The following ENTHD1 variants were observed in gnomAD, a reference collection of about 807,000 sequenced individuals.
ENTHD1 encodes ENTH domain containing 1, also known as ENTH domain-containing protein 1.
In ENTHD1, 23 loss-of-function variants were observed where a neutral mutation model predicts 39.1. The ratio of observed to expected loss-of-function variants is 0.59; its 90% CI spans 0.42 to 0.83. ENTHD1 has a LOEUF of 0.83. Ranked by LOEUF, ENTHD1 falls within the 40% of genes least tolerant of loss-of-function variation. ENTHD1 has a pLI of 0.00. For synonymous variants in ENTHD1, 230 were observed against 258.2 expected (o/e 0.89, Z 1.05); for missense variants, 624 against 705.4 (o/e 0.88, Z 1.31).
intron 3 of ENTHD1, among the ~76,000 whole-genome samples, chr22:39,860,678 C>CT (rs1225807354): frequency 1.2e-4 from 18 of 152,318 alleles, no homozygotes; most frequent in African/African-American, 3.4e-4. Context: ...CATTTTTGCA[C>CT]TTAACTGACA....
At chr22:39,779,037 G>A (rs2065387009) in intron 5 of ENTHD1, among the ~76,000 whole-genome samples, 1 of 152,174 alleles carries the variant, frequency 6.6e-6, no homozygotes, top group Non-Finnish European at 1.5e-5. Flanking sequence ...TATAAAAACA[G>A]GCCAGGTGTG....
chr22:39,807,847 C>T (rs2065655532), intron 5 of ENTHD1, among the ~76,000 whole-genome samples: 1 of 151,512 alleles, frequency 6.6e-6, no homozygotes, highest in South Asian at 2.1e-4. Flanking sequence ...AACTGTGAAA[C>T]TCTTGTTTTA....
At chr22:39,804,367 T>C (rs1424781858) in intron 5 of ENTHD1, among the ~76,000 whole-genome samples, 1 of 148,028 alleles carries the variant, frequency 6.8e-6, no homozygotes, top group Non-Finnish European at 1.5e-5. Context: ...ATGCCTCTAG[T>C]CCCAGTTACT....
chr22:39,799,986 C>T (rs1232270811), intron 5 of ENTHD1, among the ~76,000 whole-genome samples: 3 of 152,232 alleles, frequency 2.0e-5, no homozygotes, highest in Non-Finnish European at 4.4e-5. Context: ...CACTGTGCTA[C>T]AGCTGCTTAG....
intron 5 of ENTHD1, among the ~76,000 whole-genome samples, chr22:39,800,444 TA>T (rs1225414244): frequency 2.0e-5 from 3 of 152,236 alleles, no homozygotes; most frequent in African/African-American, 7.2e-5. Context: ...AGGATGAGAT[TA>T]ATCTGCAAGA....
At position 39,861,981 on chromosome 22, in the gene ENTHD1, G is replaced by T; in HGVS notation, c.376C>A (p.Gln126Lys). Residue 126 changes from glutamine to lysine, a missense_variant, in exon 3 of 7, where the codon CAA (glutamine) becomes AAA (lysine). By Grantham distance (53) the Gln-to-Lys change is moderately conservative. Coordinates refer to ENST00000325157, the MANE Select transcript of ENTHD1 (RefSeq NM_152512.4). ...QGYYIREKSK[Q>K]VITLLMDEPL... The stretch of plus-strand genomic sequence containing the variant: ...TCATCCATCAGCAATGTGATGACTT[G>T]CTTAGATTTTTCCCGGATATAATAA... The T allele has an allele frequency of 6.6e-7, 1 of 1,506,672 alleles. No homozygotes were observed. Among genetic ancestry groups the T allele is most frequent in the Non-Finnish European group, 9.0e-7 (1 of 1,111,956 alleles). The allele number at this position is 1,506,672 out of a possible 1,614,324, so 93.3% of individuals were successfully genotyped here.
intron 2 of ENTHD1, among the ~76,000 whole-genome samples, chr22:39,873,025 A>G (rs1323365748): frequency 1.3e-5 from 2 of 151,424 alleles, no homozygotes; most frequent in African/African-American, 2.4e-5. Context: ...GGGTCTCACT[A>G]TGTTGCCCAG....
At chr22:39,784,586 G>A (rs78028234) in intron 5 of ENTHD1, among the ~76,000 whole-genome samples, 10,373 of 139,124 alleles carry the variant, frequency 0.075, 415 homozygotes, top group South Asian at 0.13. Context: ...ACACACACTA[G>A]AATATTCAGC....
chr22:39,835,227 A>G (rs1046682779), intron 4 of ENTHD1, among the ~76,000 whole-genome samples: 4 of 152,076 alleles, frequency 2.6e-5, no homozygotes, highest in Admixed American at 2.6e-4. Flanking sequence ...ACCATACAAC[A>G]TGCCAACAGT....
At chr22:39,836,757 T>A (rs1327071051) in intron 3 of ENTHD1, among the ~76,000 whole-genome samples, 1 of 152,150 alleles carries the variant, frequency 6.6e-6, no homozygotes, top group African/African-American at 2.4e-5. Flanking sequence ...TTCCCCCTTG[T>A]TCTTGTGATA....
chr22:39,860,730 T>C (rs1273050586), intron 3 of ENTHD1, among the ~76,000 whole-genome samples: 1 of 152,250 alleles, frequency 6.6e-6, no homozygotes, highest in African/African-American at 2.4e-5. Context: ...GGGACAGTTC[T>C]CTAAGTCACA....
At chr22:39,819,556 A>T (rs1321734542) in intron 5 of ENTHD1, among the ~76,000 whole-genome samples, 1 of 152,158 alleles carries the variant, frequency 6.6e-6, no homozygotes, top group Non-Finnish European at 1.5e-5. Context: ...CTATGGAGAC[A>T]GTAAAAAGAT....
intron 5 of ENTHD1, among the ~76,000 whole-genome samples, chr22:39,799,020 C>T (rs1412480681): frequency 2.6e-5 from 4 of 152,152 alleles, no homozygotes; most frequent in Non-Finnish European, 5.9e-5. Flanking sequence ...ATCCCCAGGC[C>T]CCTAGGTGGT....
chr22:39,835,808 AT>A, intron 4 of ENTHD1, 31 bp downstream of exon 4: 1 of 1,490,488 alleles, frequency 6.7e-7, no homozygotes, highest in Non-Finnish European at 9.3e-7. Flanking sequence ...GCAGTGATTT[AT>A]TACAGCAGCT....
chr22:39,841,875 T>C (rs112777970), intron 3 of ENTHD1, among the ~76,000 whole-genome samples: 2 of 152,170 alleles, frequency 1.3e-5, no homozygotes, highest in South Asian at 2.1e-4. Context: ...CGGCTGGTAC[T>C]GGTTGTTCCT....
chr22:39,859,091 C>T (rs2066119006), intron 3 of ENTHD1, among the ~76,000 whole-genome samples: 1 of 152,216 alleles, frequency 6.6e-6, no homozygotes, highest in African/African-American at 2.4e-5. Context: ...GTGACAGTTG[C>T]TTTCCTTGAA....
intron 5 of ENTHD1, among the ~76,000 whole-genome samples, chr22:39,810,434 G>A (rs1358775503): frequency 6.6e-6 from 1 of 152,142 alleles, no homozygotes; most frequent in Non-Finnish European, 1.5e-5. Flanking sequence ...GAACAGACCT[G>A]CTTAGTAACC....
intron 5 of ENTHD1, among the ~76,000 whole-genome samples, chr22:39,815,716 A>T (rs886589545): frequency 1.3e-5 from 2 of 152,228 alleles, no homozygotes; most frequent in Non-Finnish European, 2.9e-5. Flanking sequence ...TTACAATACA[A>T]TAACTTGATA....
chr22:39,857,353 G>A (rs554794145), intron 3 of ENTHD1, among the ~76,000 whole-genome samples: 1 of 145,342 alleles, frequency 6.9e-6, no homozygotes, highest in Non-Finnish European at 1.5e-5. Context: ...TGAGGCAGGA[G>A]AATCGCCTGA....
Sources: gnomAD v4.1 joint callset for allele counts (sites outside exome capture counted in the v4.1 genomes callset) on GRCh38, gnomAD v4.1.1 for gene constraint, MANE v1.5 for transcripts, NCBI Gene and HGNC (gene_info 2026-07-23, HGNC 2026-07-21) for gene names.